ATG7: variants seen among roughly 807,000 people sequenced by gnomAD.
ATG7 encodes ubiquitin-like modifier-activating enzyme ATG7.
Under a neutral mutation model 82.4 loss-of-function variants are expected in ATG7, and 70 were observed. The ratio of observed to expected loss-of-function variants is 0.85; its 90% CI spans 0.70 to 1.04. The LOEUF is 1.04. ATG7 is among the 50% of genes least tolerant of loss of function. ATG7 has a pLI of 0.00. For synonymous variants in ATG7, 287 were observed against 313.0 expected (o/e 0.92, Z 0.88); for missense variants, 792 against 864.3 (o/e 0.92, Z 1.05).
chr3:11,527,174 G>A (rs756162075), intron 20 of ATG7, among the ~76,000 whole-genome samples: 23 of 151,004 alleles, frequency 1.5e-4, no homozygotes, highest in African/African-American at 4.4e-4. Flanking sequence ...GCACGCTCTC[G>A]GCTCACTGCA....
At chr3:11,462,238 CCT>C (rs2086379839) in intron 20 of ATG7, among the ~76,000 whole-genome samples, 1 of 151,876 alleles carries the variant, frequency 6.6e-6, no homozygotes, top group Non-Finnish European at 1.5e-5. Context: ...GGTTCAGGGC[CCT>C]CTCGTCACCA....
At chr3:11,281,794 GAAAA>G (rs1943103383) in intron 2 of ATG7, among the ~76,000 whole-genome samples, 1 of 149,372 alleles carries the variant, frequency 6.7e-6, no homozygotes, top group Admixed American at 6.7e-5. Flanking sequence ...AAAAAAAAGA[GAAAA>G]GAAACAAAGA....
chr3:11,546,161 G>GTTTTT (rs1483457466), intron 20 of ATG7, among the ~76,000 whole-genome samples: 3 of 113,728 alleles, frequency 2.6e-5, no homozygotes, highest in African/African-American at 1.0e-4. Flanking sequence ...GCCAAAACTG[G>GTTTTT]ATTTTTTTTT....
intron 14 of ATG7, among the ~76,000 whole-genome samples, chr3:11,349,541 TATAATA>T (rs534921153): frequency 2.0e-5 from 3 of 151,896 alleles, no homozygotes; most frequent in Admixed American, 2.0e-4. Flanking sequence ...ACACTGTCTA[TATAATA>T]ATAATAATAA....
chr3:11,427,793 C>A (rs547876139), intron 20 of ATG7, among the ~76,000 whole-genome samples: 1 of 145,336 alleles, frequency 6.9e-6, no homozygotes, highest in Non-Finnish European at 1.5e-5. Flanking sequence ...CCAGTCCGGG[C>A]GACGGTGCGA....
rs2090893108 is a variant in ATG7, at chr3:11,497,122, A to AT, written c.2080-57687dup. Among the ~76,000 whole-genome samples, 3 of 151,902 alleles carry AT rather than the reference A, an allele frequency of 2.0e-5. No individual in the cohort carries two copies. The South Asian group carries it at 6.3e-4, about 32-fold the overall frequency. ...TGCCTCGGCCTCCCAAAGTGCTGGG[A>AT]TTACAGGAGTGAGCCCCCACGCCCA... On this transcript the variant is annotated intron_variant, in intron 20 of 20. Coordinates refer to ENST00000693202, the MANE Select transcript of ATG7 (RefSeq NM_001349232.2).
intron 18 of ATG7, among the ~76,000 whole-genome samples, chr3:11,365,970 A>G (rs573500010): frequency 2.6e-5 from 4 of 152,284 alleles, no homozygotes; most frequent in African/African-American, 9.6e-5. Context: ...CTGTAATTCC[A>G]GCACTTTGGG....
chr3:11,412,242 G>A (rs970355845), intron 19 of ATG7, among the ~76,000 whole-genome samples: 2 of 150,230 alleles, frequency 1.3e-5, no homozygotes, highest in African/African-American at 4.9e-5. Context: ...GTGATCTGAT[G>A]AGTTCCAGTT....
intron 19 of ATG7, among the ~76,000 whole-genome samples, chr3:11,419,350 C>A (rs1189204214): frequency 6.6e-6 from 1 of 152,008 alleles, no homozygotes; most frequent in East Asian, 1.9e-4. Flanking sequence ...GCCAGGAGTT[C>A]TGAGACGAGC....
At chr3:11,274,079 A>G (rs954615550) in intron 1 of ATG7, among the ~76,000 whole-genome samples, 4 of 151,964 alleles carry the variant, frequency 2.6e-5, no homozygotes, top group African/African-American at 9.7e-5. Flanking sequence ...TCTTCCATTT[A>G]TCTTGGCCAA....
intron 18 of ATG7, among the ~76,000 whole-genome samples, chr3:11,371,222 AT>A: frequency 6.6e-6 from 1 of 151,160 alleles, no homozygotes; most frequent in Non-Finnish European, 1.5e-5. Context: ...AGGAGGGAAC[AT>A]TTGTTTATTT....
chr3:11,537,452 A>AT (rs1170553952), intron 20 of ATG7, among the ~76,000 whole-genome samples: 13 of 152,210 alleles, frequency 8.5e-5, no homozygotes, highest in African/African-American at 3.1e-4. Context: ...AGAGCCAAAC[A>AT]TATCATAGCA....
At chr3:11,323,382 C>A (rs978246657) in intron 9 of ATG7, among the ~76,000 whole-genome samples, 1 of 152,214 alleles carries the variant, frequency 6.6e-6, no homozygotes, top group South Asian at 2.1e-4. Context: ...AGCTTCCCTC[C>A]TACCAGCTGT....
intron 20 of ATG7, among the ~76,000 whole-genome samples, chr3:11,448,201 C>T (rs1291269253): frequency 6.6e-6 from 1 of 152,192 alleles, no homozygotes; most frequent in African/African-American, 2.4e-5. Flanking sequence ...TCTTCCTTAC[C>T]ACCACCTCCA....
intron 20 of ATG7, among the ~76,000 whole-genome samples, chr3:11,506,245 C>T (rs2091700715): frequency 6.6e-6 from 1 of 152,144 alleles, no homozygotes; most frequent in Non-Finnish European, 1.5e-5. Flanking sequence ...ATTTGTTTCT[C>T]CATGTAACAG....
chr3:11,535,397 C>A (rs928670639), intron 20 of ATG7, among the ~76,000 whole-genome samples: 1 of 152,222 alleles, frequency 6.6e-6, no homozygotes, highest in African/African-American at 2.4e-5. Flanking sequence ...TGTGGAGGAA[C>A]CCTGGCTTTT....
intron 20 of ATG7, among the ~76,000 whole-genome samples, chr3:11,552,825 AG>A (rs2071938562): frequency 2.0e-5 from 3 of 152,272 alleles, no homozygotes; most frequent in African/African-American, 4.8e-5. Context: ...GGCCAGTCCC[AG>A]GCCACCCAGT....
At chr3:11,460,320 T>C (rs969956873) in intron 20 of ATG7, among the ~76,000 whole-genome samples, 5 of 152,234 alleles carry the variant, frequency 3.3e-5, no homozygotes, top group African/African-American at 9.6e-5. Context: ...ACCTTTGGGC[T>C]GCTAAATATG....
At chr3:11,406,861 C>T (rs1434417655) in intron 19 of ATG7, among the ~76,000 whole-genome samples, 1 of 152,152 alleles carries the variant, frequency 6.6e-6, no homozygotes. Context: ...GGGTCCCTCC[C>T]ATAACATATG....
Sources: gnomAD v4.1 joint callset for allele counts (sites outside exome capture counted in the v4.1 genomes callset) on GRCh38, gnomAD v4.1.1 for gene constraint, MANE v1.5 for transcripts, NCBI Gene and HGNC (gene_info 2026-07-23, HGNC 2026-07-21) for gene names.